UGT2B10: variants seen among roughly 807,000 people sequenced by gnomAD.
UGT2B10 encodes UDP-glucuronosyltransferase 2B10.
Under a neutral mutation model 43.7 loss-of-function variants are expected in UGT2B10, and 51 were observed. The ratio of observed to expected loss-of-function variants is 1.17; its 90% confidence interval spans 0.93 to 1.47. The LOEUF (loss-of-function observed/expected upper bound fraction) is 1.47. Among genes scored for constraint, UGT2B10 ranks in the 40% most tolerant of loss-of-function variants. The pLI is 0.00. For synonymous variants in UGT2B10, 225 were observed against 209.0 expected, an observed-to-expected ratio of 1.08 and a Z score of -0.66; for missense variants, 696 against 617.7, an observed-to-expected ratio of 1.13 and a Z score of -1.34.
rs772501345 is a variant in UGT2B10, at chr4:68,816,141, T to A, written c.122T>A (p.Ile41Asn). ...EYSLWMNMKT[I>N]LKELVQRGHE... The stretch of plus-strand genomic sequence containing the variant: ...AGCCTTTGGATGAATATGAAGACAA[T>A]CCTGAAAGAACTTGTTCAGAGAGGT... The change falls in exon 1 of 6, where the codon ATC (isoleucine) becomes AAC (asparagine). Residue 41 changes from isoleucine (I) to asparagine (N), a missense_variant. Ile to Asn is a moderately radical substitution (Grantham distance 149). Transcript: ENST00000265403. 9.3e-6 allele frequency: 15 copies of A among 1,613,246 alleles called. No individual in the cohort carries two copies. Among genetic ancestry groups the A allele is most frequent in the Non-Finnish European group, 1.3e-5 (15 of 1,179,444 alleles).
At chr4:68,816,927 C>T (rs1272377675) in intron 1 of UGT2B10, among the ~76,000 whole-genome samples, 190 bp downstream of exon 1, 1 of 151,780 alleles carries the variant, frequency 6.6e-6, no homozygotes, top group East Asian at 1.9e-4. Flanking sequence ...AGTGAAAACG[C>T]TGTGACCATC....
At chr4:68,823,851 A>T (rs1737637526) in intron 3 of UGT2B10, among the ~76,000 whole-genome samples, 1 of 152,154 alleles carries the variant, frequency 6.6e-6, no homozygotes, top group Admixed American at 6.6e-5. Context: ...TTTGGCATTA[A>T]TAATATGACC....
chr4:68,822,006 C>T (rs1737525431), intron 2 of UGT2B10, among the ~76,000 whole-genome samples: 1 of 152,116 alleles, frequency 6.6e-6, no homozygotes, highest in South Asian at 2.1e-4. Context: ...AATGTAATAG[C>T]TCCTTTTCTT....
chr4:68,825,005 T>C lies in UGT2B10; in HGVS notation c.1000-1405T>C, dbSNP rs374731487. Among the ~76,000 whole-genome samples the C allele has an allele frequency of 1.6e-4, 24 of 152,234 alleles. No individual in the cohort carries two copies. In the East Asian group the frequency reaches 1.9e-3, roughly 12 times the overall value. ...AGTGCTTGATAATTTGTAATTCCAA[T>C]GAAGTTATACATAAAACCCTTGCAG... On this transcript the variant is annotated intron_variant, in intron 3 of 5. Transcript: ENST00000265403.
intron 2 of UGT2B10, among the ~76,000 whole-genome samples, chr4:68,820,755 A>C (rs1440092612): frequency 6.6e-6 from 1 of 152,130 alleles, no homozygotes; most frequent in Admixed American, 6.6e-5. Context: ...ATAATAAAAA[A>C]TACATAATTT....
chr4:68,825,285 T>C (rs1458946279), intron 3 of UGT2B10, among the ~76,000 whole-genome samples: 1 of 150,964 alleles, frequency 6.6e-6, no homozygotes, highest in African/African-American at 2.4e-5. Flanking sequence ...CTCCCTATAA[T>C]TTTTTATACT....
Position 68,830,915 on chromosome 4 carries a change from A to G in UGT2B10, c.*36A>G, listed in dbSNP as rs542846792. 4 of 1,599,394 alleles carry G rather than the reference A, an allele frequency of 2.5e-6. No homozygotes were observed. The African/African-American group carries it at 5.4e-5, about 22-fold the overall frequency. ...GATTTGAAGCTGGAAAACCTGATAGATAGGAATACTTCAGTTGATTCCAGC... is the reference window on the plus strand; with the variant it reads ...GATTTGAAGCTGGAAAACCTGATAGGTAGGAATACTTCAGTTGATTCCAGC... On this transcript the variant is annotated 3_prime_UTR_variant, in exon 6 of 6. Transcript: ENST00000265403.
At chr4:68,824,394 T>C (rs1261415830) in intron 3 of UGT2B10, among the ~76,000 whole-genome samples, 2 of 152,066 alleles carry the variant, frequency 1.3e-5, no homozygotes, top group African/African-American at 4.8e-5. Flanking sequence ...TCAGCACTAA[T>C]TACCAGATTA....
At chr4:68,821,377 T>G (rs560043431) in intron 2 of UGT2B10, among the ~76,000 whole-genome samples, 4 of 152,270 alleles carry the variant, frequency 2.6e-5, no homozygotes, top group African/African-American at 4.8e-5. Flanking sequence ...AAGAAAGGCC[T>G]GGTGGCCTCT....
At chr4:68,828,612 A>T (rs1425854844) in intron 5 of UGT2B10, among the ~76,000 whole-genome samples, 3 of 152,124 alleles carry the variant, frequency 2.0e-5, no homozygotes, top group South Asian at 2.1e-4. Flanking sequence ...AGACTTTTTT[A>T]AAAAAACAAG....
Position 68,818,024 on chromosome 4 carries a change from A to G in UGT2B10, c.719-5A>G, listed in dbSNP as rs760382085. 29 of 1,602,990 alleles carry G rather than the reference A, an allele frequency of 1.8e-5. No homozygotes were observed. The Admixed American group carries it at 4.2e-4, about 23-fold the overall frequency. On this transcript the variant is annotated splice_region_variant and splice_polypyrimidine_tract_variant and intron_variant, in intron 1 of 5. Transcript: ENST00000265403. ...TCCACTTCTTCTTTTCTTTATTCCTATCAGGAAGACCCACTACATTATCTG... is the reference window on the plus strand; with the variant it reads ...TCCACTTCTTCTTTTCTTTATTCCTGTCAGGAAGACCCACTACATTATCTG...
At chr4:68,829,781 G>A (rs114551267) in intron 5 of UGT2B10, among the ~76,000 whole-genome samples, 3,078 of 152,128 alleles carry the variant, frequency 0.02, 116 homozygotes, top group African/African-American at 0.07. Flanking sequence ...GGCCAATCTA[G>A]AAGACAGTGT....
intron 3 of UGT2B10, among the ~76,000 whole-genome samples, chr4:68,824,058 T>C (rs774655909): frequency 1.1e-4 from 16 of 152,190 alleles, no homozygotes; most frequent in Non-Finnish European, 2.1e-4. Flanking sequence ...ACAATAACAA[T>C]AGCAGGTATT....
chr4:68,827,359 A>T lies in UGT2B10; in HGVS notation c.1118A>T (p.His373Leu). The T allele has an allele frequency of 6.2e-7, 1 of 1,613,356 alleles. No homozygotes were observed. Among genetic ancestry groups the T allele is most frequent in the Non-Finnish European group, 8.5e-7 (1 of 1,179,488 alleles). ...CCAAAAACCAGAGCTTTTATAACTC[A>T]TGGTGGAGCCAATGGCATCTATGAG... ...GHPKTRAFITHGGANGIYEAI... is the reference protein window; with the variant it reads ...GHPKTRAFITLGGANGIYEAI... The change falls in exon 5 of 6, where the codon CAT (histidine) becomes CTT (leucine). Residue 373 changes from histidine (H) to leucine (L), a missense_variant. Physicochemically the swap from His to Leu is moderately conservative, Grantham distance 99. Transcript: ENST00000265403.
intron 3 of UGT2B10, 59 bp from the exon 4 acceptor site, chr4:68,826,351 A>G (rs1737773131): frequency 6.5e-7 from 1 of 1,542,626 alleles, no homozygotes; most frequent in East Asian, 2.3e-5. Flanking sequence ...TTACAGTTCT[A>G]ACATTTTATA....
intron 1 of UGT2B10, among the ~76,000 whole-genome samples, chr4:68,817,228 G>T: frequency 6.6e-6 from 1 of 151,652 alleles, no homozygotes; most frequent in Admixed American, 6.6e-5. Flanking sequence ...GAGAGATAAT[G>T]TCTATATCTC....
chr4:68,830,889 A>C lies in UGT2B10; in HGVS notation c.*10A>C, dbSNP rs1199034758. 6.2e-7 allele frequency: 1 copy of C among 1,610,224 alleles called. No individual in the cohort carries two copies. Among genetic ancestry groups the C allele is most frequent in the Admixed American group, 1.7e-5 (1 of 59,400 alleles). Reference sequence around the variant, plus strand: ...GGGAAAAAGGGATTAGTTATATCTGAGATTTGAAGCTGGAAAACCTGATAG... The same window carrying C: ...GGGAAAAAGGGATTAGTTATATCTGCGATTTGAAGCTGGAAAACCTGATAG... On this transcript the variant is annotated 3_prime_UTR_variant, in exon 6 of 6. Coordinates refer to ENST00000265403, the MANE Select transcript of UGT2B10 (RefSeq NM_001075.6).
intron 5 of UGT2B10, among the ~76,000 whole-genome samples, chr4:68,830,238 A>G (rs1456517241): frequency 6.6e-6 from 1 of 152,086 alleles, no homozygotes; most frequent in Non-Finnish European, 1.5e-5. Context: ...TGATGTGATT[A>G]TTTCACTTTG....
chr4:68,816,643 G>T lies in UGT2B10; in HGVS notation c.624G>T (p.Glu208Asp), dbSNP rs1737227893. Reference sequence around the variant, plus strand: ...TAAGTGATCAAATGACTTTCATGGAGAGGGTAAAAAATATGCTCTATGTGC... The same window carrying T: ...TAAGTGATCAAATGACTTTCATGGATAGGGTAAAAAATATGCTCTATGTGC... The part of the protein sequence containing the change: ...SKLSDQMTFM[E>D]RVKNMLYVLY... Residue 208 changes from glutamate to aspartate, a missense_variant, in exon 1 of 6, where the codon GAG (glutamate) becomes GAT (aspartate). Coordinates refer to ENST00000265403, the MANE Select transcript of UGT2B10 (RefSeq NM_001075.6). The T allele has an allele frequency of 1.9e-6, 3 of 1,612,770 alleles. No homozygotes were observed. In the South Asian group the frequency reaches 3.3e-5, roughly 18 times the overall value.
Sources: allele counts gnomAD v4.1 joint callset (sites outside exome capture counted in the v4.1 genomes callset), GRCh38; gene constraint gnomAD v4.1.1; transcripts MANE v1.5; gene names NCBI Gene and HGNC (gene_info 2026-07-23, HGNC 2026-07-21).